The following RIPOR3 variants were observed in gnomAD, a reference collection of about 807,000 sequenced individuals.
RIPOR3 encodes family with sequence similarity 65 member C.
Under a neutral mutation model 114.3 loss-of-function variants are expected in RIPOR3, and 95 were observed. The observed-to-expected ratio is 0.83, with a 90% CI of 0.70 to 0.99. The LOEUF (loss-of-function observed/expected upper bound fraction) is 0.99, where lower values mean the gene tolerates loss of function less well. Ranked by LOEUF, RIPOR3 falls within the 50% of genes least tolerant of loss-of-function variation. The probability of loss-of-function intolerance (pLI) is 0.00; values close to 1 mark genes in which losing one functional copy is unlikely to be tolerated. For synonymous variants in RIPOR3, 575 were observed against 543.8 expected (o/e 1.06, Z -0.80); for missense variants, 1,252 against 1,266.9 (o/e 0.99, Z 0.18).
At chr20:50,599,306 C>T (rs541213720) in intron 13 of RIPOR3, among the ~76,000 whole-genome samples, 1 of 152,016 alleles carries the variant, frequency 6.6e-6, no homozygotes, top group East Asian at 1.9e-4. Context: ...GCAAGAGAAT[C>T]ACTTGAACCC....
At chr20:50,606,532 G>C (rs58744328) in intron 11 of RIPOR3, among the ~76,000 whole-genome samples, 3,314 of 152,250 alleles carry the variant, frequency 0.022, 44 homozygotes, top group African/African-American at 0.04. Flanking sequence ...TGGGCCGCTG[G>C]CGAAACAGGG....
chr20:50,600,195 G>A (rs959100498), intron 13 of RIPOR3, among the ~76,000 whole-genome samples: 5 of 152,152 alleles, frequency 3.3e-5, no homozygotes, highest in Non-Finnish European at 7.4e-5. Flanking sequence ...GAGCCACTGC[G>A]CCCACCATCA....
At chr20:50,606,377 A>G (rs1246097401) in intron 11 of RIPOR3, among the ~76,000 whole-genome samples, 1 of 152,188 alleles carries the variant, frequency 6.6e-6, no homozygotes, top group Non-Finnish European at 1.5e-5. Context: ...AGGGAATCTA[A>G]GGCCAATTAA....
intron 2 of RIPOR3, among the ~76,000 whole-genome samples, chr20:50,625,682 T>C (rs976318416): frequency 7.9e-5 from 12 of 152,102 alleles, no homozygotes; most frequent in African/African-American, 2.9e-4. Context: ...CCTGACTGCC[T>C]GGGGGAGGGA....
chr20:50,619,827 C>T (rs78335278), intron 3 of RIPOR3, among the ~76,000 whole-genome samples, 159 bp downstream of exon 3: 8,244 of 152,222 alleles, frequency 0.054, 682 homozygotes, highest in African/African-American at 0.19. Flanking sequence ...GCTGAGCACG[C>T]GGCTGCACCC....
intron 1 of RIPOR3, among the ~76,000 whole-genome samples, chr20:50,653,509 C>A (rs923573099): frequency 2.6e-5 from 4 of 151,342 alleles, no homozygotes; most frequent in Non-Finnish European, 4.4e-5. Flanking sequence ...AATCTTGGCT[C>A]ACTGCAACCT....
In RIPOR3 at chr20:50,617,544, A is replaced by G. The variant is rs199925321; in HGVS notation, c.270-1464T>C. On this transcript the variant is annotated intron_variant, in intron 3 of 21. Coordinates refer to ENST00000327979, the MANE Select transcript of RIPOR3 (RefSeq NM_001290268.2). Reference sequence around the variant, plus strand: ...GGAATCTGCCTGCCTCGGCCCCCCAAAGTGCTGGGATTACAGGGTAGCCAC... The same window carrying G: ...GGAATCTGCCTGCCTCGGCCCCCCAGAGTGCTGGGATTACAGGGTAGCCAC... 1.8e-4 allele frequency among the ~76,000 whole-genome samples: 27 copies of G among 152,030 alleles called. No homozygotes were observed. In the East Asian group the frequency reaches 4.7e-3, roughly 26 times the overall value.
intron 1 of RIPOR3, among the ~76,000 whole-genome samples, chr20:50,679,476 C>T (rs909796625): frequency 3.3e-5 from 5 of 150,680 alleles, no homozygotes; most frequent in African/African-American, 1.2e-4. Context: ...GATCCCATCT[C>T]CACTGGTGCA....
At chr20:50,682,929 G>A (rs1190111950) in intron 1 of RIPOR3, among the ~76,000 whole-genome samples, 1 of 152,044 alleles carries the variant, frequency 6.6e-6, no homozygotes, top group South Asian at 2.1e-4. Flanking sequence ...GTTTCTCCAT[G>A]TTGGTCAGGC....
chr20:50,614,316 G>A (rs931600979), intron 4 of RIPOR3, among the ~76,000 whole-genome samples: 8 of 152,146 alleles, frequency 5.3e-5, no homozygotes, highest in African/African-American at 1.9e-4. Flanking sequence ...GACTACAAGC[G>A]TGAGCCACTG....
At chr20:50,598,839 A>G (rs1355478369) in intron 13 of RIPOR3, among the ~76,000 whole-genome samples, 1 of 147,690 alleles carries the variant, frequency 6.8e-6, no homozygotes, top group African/African-American at 2.5e-5. Context: ...GGGGAGGCGG[A>G]GGTTGCAGTG....
chr20:50,595,165 C>G (rs2083244814), intron 16 of RIPOR3: 1 of 642,026 alleles, frequency 1.6e-6, no homozygotes, highest in South Asian at 1.9e-5. Flanking sequence ...ACACAGCTGA[C>G]TGAAGAGTGT....
chr20:50,609,315 G>T lies in RIPOR3; in HGVS notation c.618C>A (p.Gly206=), dbSNP rs775097185. ...TACCTTTCATCCTGATGTGGAACTC[G>T]CCCAGGTGAACCTCCAGGGCCCCCT... ...LIEGALEVHL[G]EFHIRMKGLV... is the part of the protein sequence containing the mutation. The change falls in exon 8 of 22, where the codon GGC becomes GGA. Residue 206 remains glycine (G), a synonymous_variant. Transcript: ENST00000327979. 6.2e-7 allele frequency: 1 copy of T among 1,613,728 alleles called. No individual in the cohort carries two copies. The highest frequency in any genetic ancestry group is 1.3e-5 in the African/African-American group (1 of 74,854).
At chr20:50,622,128 C>T (rs1409983563) in intron 2 of RIPOR3, among the ~76,000 whole-genome samples, 1 of 152,076 alleles carries the variant, frequency 6.6e-6, no homozygotes, top group African/African-American at 2.4e-5. Flanking sequence ...TGACAACATT[C>T]TCACAAAAGA....
At chr20:50,616,938 C>T (rs1035782728) in intron 3 of RIPOR3, among the ~76,000 whole-genome samples, 4 of 152,120 alleles carry the variant, frequency 2.6e-5, no homozygotes, top group East Asian at 1.9e-4. Context: ...GTCAGGTAAT[C>T]GAGACCATCC....
Position 50,587,177 on chromosome 20 carries a change from G to T in RIPOR3, c.*55C>A. The T allele has an allele frequency of 1.4e-6, 2 of 1,384,662 alleles. No individual in the cohort carries two copies. Among genetic ancestry groups the T allele is most frequent in the Non-Finnish European group, 2.1e-6 (2 of 974,804 alleles). The allele number at this position is 1,384,662 out of a possible 1,614,324, so 85.8% of individuals were successfully genotyped here. A position where few individuals can be genotyped will look rare whatever the true frequency, so the allele number is the denominator to read the frequency against. ...TACCCAGAGTGCAGGCTATGTCCAG[G>T]CTGGGCAGCAGCAAAAAAAACGATG... On this transcript the variant is annotated 3_prime_UTR_variant, in exon 22 of 22. Transcript: ENST00000327979.
intron 1 of RIPOR3, among the ~76,000 whole-genome samples, chr20:50,681,739 A>G (rs1377167912): frequency 6.6e-6 from 1 of 152,184 alleles, no homozygotes; most frequent in African/African-American, 2.4e-5. Context: ...CAGACCAAAT[A>G]AAAGGAGGTG....
intron 2 of RIPOR3, chr20:50,621,120 C>CAA (rs75113562): frequency 2.2e-4 from 38 of 173,564 alleles, no homozygotes; most frequent in South Asian, 7.3e-4. Flanking sequence ...AACAGCTTGA[C>CAA]AAAAAAAAAA....
At chr20:50,640,909 T>C (rs2085166530) in intron 1 of RIPOR3, among the ~76,000 whole-genome samples, 1 of 135,538 alleles carries the variant, frequency 7.4e-6, no homozygotes, top group African/African-American at 2.8e-5. Flanking sequence ...TATGCACTTC[T>C]TTTTTTTTTT....
Sources: gnomAD v4.1 joint callset for allele counts (sites outside exome capture counted in the v4.1 genomes callset) on GRCh38, gnomAD v4.1.1 for gene constraint, MANE v1.5 for transcripts, NCBI Gene and HGNC (gene_info 2026-07-23, HGNC 2026-07-21) for gene names.